The following SLC38A10 variants were observed in gnomAD, a reference collection of about 807,000 sequenced individuals.
SLC38A10 encodes Sodium-coupled neutral amino acid transporter 10.
Under a neutral mutation model 81.0 loss-of-function variants are expected in SLC38A10, and 53 were observed. That is an observed-to-expected ratio of 0.65 (90% CI 0.53 to 0.82). The LOEUF is 0.82. Among genes scored for constraint, SLC38A10 ranks in the 40% least tolerant of loss-of-function variants. SLC38A10 has a pLI of 0.00. For missense variants in SLC38A10, 1,471 were observed against 1,545.0 expected, an observed-to-expected ratio of 0.95 and a Z score of 0.80; for synonymous variants, 665 against 655.3, an observed-to-expected ratio of 1.01 and a Z score of -0.23.
chr17:81,250,931 T>C (rs2062904224), intron 14 of SLC38A10: 1 of 1,235,144 alleles, frequency 8.1e-7, no homozygotes, highest in Non-Finnish European at 1.0e-6. Flanking sequence ...GGAGCTTTCC[T>C]GGAGGGACAG....
chr17:81,252,461 C>G lies in SLC38A10; in HGVS notation c.1679G>C (p.Arg560Thr), dbSNP rs1378755640. Residue 560 changes from arginine (R) to threonine (T), a missense_variant, in exon 13 of 16, where the codon AGG becomes ACG. Around this residue, in one of 2 missense-constraint regions of SLC38A10, gnomAD observed 720 missense variants for 827.7 expected, o/e 0.87. Coordinates refer to ENST00000374759, the MANE Select transcript of SLC38A10 (RefSeq NM_001037984.3). Reference sequence around the variant, plus strand: ...CTCCAAGGCCTGGGCCTGTCCAGGCCTCTTCCCAACCTCTCCCTGCTCCGG... The same window carrying G: ...CTCCAAGGCCTGGGCCTGTCCAGGCGTCTTCCCAACCTCTCCCTGCTCCGG... ...QEPEQGEVGK[R>T]PGQAQALEEA... 2.5e-6 allele frequency: 4 copies of G among 1,613,330 alleles called. No individual in the cohort carries two copies.
Position 81,286,276 on chromosome 17 carries a change from C to T in SLC38A10, c.218-1381G>A, listed in dbSNP as rs138856262. 1.5e-3 allele frequency among the ~76,000 whole-genome samples: 221 copies of T among 152,332 alleles called. 3 individuals carry two copies. In the East Asian group the frequency reaches 0.034, roughly 23 times the overall value. On this transcript the variant is annotated intron_variant, in intron 2 of 15. Transcript: ENST00000374759. This position sits in a 1 kb window ranked among gnomAD's most constrained non-coding sequence, Gnocchi z 6.0. ...ACAGCATATTCCAAACACGAGCGCA[C>T]CTTGCCCAAGAAGGTTCCGGAATAT...
Position 81,276,149 on chromosome 17 carries a change from C to T in SLC38A10, c.732G>A (p.Val244=). ...LNVVTTFYVM[V]GFFGYVSFTE... ...TGAAGCTGACGTAGCCGAAAAACCC[C>T]ACCTGTTGGAGAATAAGAAATGGCA... is the stretch of plus-strand genomic sequence containing the variant. The change falls in exon 8 of 16, where the codon GTG becomes GTA. Residue 244 remains valine (V), a splice_region_variant and synonymous_variant. Coordinates refer to ENST00000374759, the MANE Select transcript of SLC38A10 (RefSeq NM_001037984.3). This position sits in a 1 kb window ranked among gnomAD's most constrained non-coding sequence, Gnocchi z 4.7. 2 of 1,609,312 alleles carry T rather than the reference C, an allele frequency of 1.2e-6. No homozygotes were observed. Among genetic ancestry groups the T allele is most frequent in the African/African-American group, 1.3e-5 (1 of 74,922 alleles).
chr17:81,249,437 G>GAA (rs1327948021), intron 14 of SLC38A10, among the ~76,000 whole-genome samples: 1 of 150,370 alleles, frequency 6.7e-6, no homozygotes. Context: ...GAAGGAGGGA[G>GAA]GGAGAAGGAG....
chr17:81,286,740 G>A lies in SLC38A10; in HGVS notation c.218-1845C>T, dbSNP rs1320694928. Among the ~76,000 whole-genome samples, 2 of 152,180 alleles carry A rather than the reference G, an allele frequency of 1.3e-5. No homozygotes were observed. The highest frequency in any genetic ancestry group is 2.9e-5 in the Non-Finnish European group (2 of 68,030). On this transcript the variant is annotated intron_variant, in intron 2 of 15. Transcript: ENST00000374759. This position sits in a 1 kb window ranked among gnomAD's most constrained non-coding sequence, Gnocchi z 6.0. Reference sequence around the variant, plus strand: ...CAGGTGCAGTCAGATCTCCCCCAGAGCCAGCACAGGAGCCACAGAAGCCTG... The same window carrying A: ...CAGGTGCAGTCAGATCTCCCCCAGAACCAGCACAGGAGCCACAGAAGCCTG...
rs775688679 is a variant in SLC38A10, at chr17:81,246,870, G to A, written c.2242+15C>T. 9 of 1,571,396 alleles carry A rather than the reference G, an allele frequency of 5.7e-6. No individual in the cohort carries two copies. The highest frequency in any genetic ancestry group is 3.4e-5 in the Admixed American group (2 of 58,482). On this transcript the variant is annotated intron_variant, in intron 15 of 15. Coordinates refer to ENST00000374759, the MANE Select transcript of SLC38A10 (RefSeq NM_001037984.3). ...TGCCTGGCCCCACCCCACTCCATCCGCCAGCCCGGCCTACCCTGCCTGGGT... is the reference window on the plus strand; with the variant it reads ...TGCCTGGCCCCACCCCACTCCATCCACCAGCCCGGCCTACCCTGCCTGGGT...
chr17:81,245,338 C>G lies in SLC38A10; in HGVS notation c.*218G>C, dbSNP rs1313001601. On this transcript the variant is annotated 3_prime_UTR_variant, in exon 16 of 16. Coordinates refer to ENST00000374759, the MANE Select transcript of SLC38A10 (RefSeq NM_001037984.3). ...TCAGAGTCTAGAGGTCAGAGGACCT[C>G]AGACTAAGAGCTGCAACAGAACGAC... 1.7e-5 allele frequency: 10 copies of G among 587,324 alleles called. No homozygotes were observed. The highest frequency in any genetic ancestry group is 2.8e-5 in the Non-Finnish European group (10 of 352,430). 36.4% of individuals were successfully genotyped at this position (587,324 alleles called of 1,614,324 possible).
intron 10 of SLC38A10, among the ~76,000 whole-genome samples, chr17:81,269,251 C>T (rs1013730195): frequency 4.6e-5 from 7 of 152,150 alleles, no homozygotes; most frequent in Non-Finnish European, 7.4e-5. Context: ...TAGTGGCTCA[C>T]GTCTATAATC....
In SLC38A10 at chr17:81,270,912, A is replaced by G. The variant is rs1236488451; in HGVS notation, c.1131+6T>C. ...TCGTCCAGGCCACCCCACGAGCAGC[A>G]CGCACCTGGGAGGAAAGTGCGTTCT... On this transcript the variant is annotated splice_donor_region_variant and intron_variant, in intron 10 of 15. Coordinates refer to ENST00000374759, the MANE Select transcript of SLC38A10 (RefSeq NM_001037984.3). The surrounding 1 kb of genome is among the most constrained non-coding windows in gnomAD (Gnocchi z 4.0). 2 of 1,613,068 alleles carry G rather than the reference A, an allele frequency of 1.2e-6. No individual in the cohort carries two copies. The highest frequency in any genetic ancestry group is 2.2e-5 in the East Asian group (1 of 44,874).
At chr17:81,285,899 C>T (rs1389180351) in intron 2 of SLC38A10, among the ~76,000 whole-genome samples, 4 of 152,218 alleles carry the variant, frequency 2.6e-5, no homozygotes, top group African/African-American at 9.6e-5. Context: ...CGTTGCCAAA[C>T]GCCAGAGCCC....
intron 10 of SLC38A10, among the ~76,000 whole-genome samples, chr17:81,260,947 G>A (rs1215880702): frequency 1.3e-5 from 2 of 152,238 alleles, no homozygotes; most frequent in Admixed American, 6.5e-5. Flanking sequence ...TGCAGCAGAC[G>A]CAGGCCCGTG....
intron 14 of SLC38A10, chr17:81,250,183 A>C (rs963594052): frequency 3.3e-6 from 4 of 1,215,574 alleles, no homozygotes; most frequent in African/African-American, 3.1e-5. Context: ...CAAAAGAATC[A>C]AACAGGTTCA....
chr17:81,286,025 G>A lies in SLC38A10; in HGVS notation c.218-1130C>T, dbSNP rs1205903899. ...TTCATCCCACAACACGGAAACCCGAGCCAGGCCCCAGAAGCTGACCTGAGG... is the reference window on the plus strand; with the variant it reads ...TTCATCCCACAACACGGAAACCCGAACCAGGCCCCAGAAGCTGACCTGAGG... On this transcript the variant is annotated intron_variant, in intron 2 of 15. Transcript: ENST00000374759. The surrounding 1 kb of genome is among the most constrained non-coding windows in gnomAD (Gnocchi z 6.0). Among the ~76,000 whole-genome samples the A allele has an allele frequency of 6.6e-6, 1 of 151,932 alleles. No homozygotes were observed. Among genetic ancestry groups the A allele is most frequent in the Non-Finnish European group, 1.5e-5 (1 of 67,984 alleles).
At position 81,290,229 on chromosome 17, in the gene SLC38A10, G is replaced by A. The variant is rs376931437; in HGVS notation, c.100-421C>T. On this transcript the variant is annotated intron_variant, in intron 1 of 15. Transcript: ENST00000374759. ...CTCATAAGTTAAATAGACACTTACTGTGTGACCTGGGGATTAACTGCACCC... is the reference window on the plus strand; with the variant it reads ...CTCATAAGTTAAATAGACACTTACTATGTGACCTGGGGATTAACTGCACCC... Among the ~76,000 whole-genome samples the A allele has an allele frequency of 4.3e-4, 66 of 152,322 alleles. No homozygotes were observed. In the East Asian group the frequency reaches 5.2e-3, roughly 12 times the overall value.
At position 81,245,641 on chromosome 17, in the gene SLC38A10, T is replaced by G. The variant is rs771075212; in HGVS notation, c.3275A>C (p.Gln1092Pro). The G allele has an allele frequency of 4.3e-6, 7 of 1,612,280 alleles. No homozygotes were observed. The highest frequency in any genetic ancestry group is 3.3e-5 in the Admixed American group (2 of 59,968). Residue 1092 changes from glutamine (Q) to proline (P), a missense_variant, in exon 16 of 16, where the codon CAG becomes CCG. This residue lies in a region of SLC38A10 where 751 missense variants were observed against 717.4 expected (regional missense o/e 1.05). Transcript: ENST00000374759. ...AGCTCCCCCCGCAGCCTGGCGGAGC[T>G]GGGCATCCAGGGCGCCACGGAGGTC... ...VNDLRGALDA[Q>P]LRQAAGGALQ...
intron 6 of SLC38A10, 39 bp downstream of exon 6, chr17:81,280,570 G>A (rs746262768): frequency 5.5e-5 from 89 of 1,606,548 alleles, no homozygotes; most frequent in Non-Finnish European, 7.1e-5. Context: ...CGCCCTCCCC[G>A]TCACAGAACT....
At chr17:81,249,196 A>AGGAGGG (rs756160762) in intron 14 of SLC38A10, among the ~76,000 whole-genome samples, 1 of 75,026 alleles carries the variant, frequency 1.3e-5, no homozygotes, top group Non-Finnish European at 2.7e-5. Context: ...GACAGAAGGG[A>AGGAGGG]GGAGGGGGAG....
Position 81,252,600 on chromosome 17 carries a change from G to C in SLC38A10, c.1540C>G (p.Arg514Gly). 6.2e-7 allele frequency: 1 copy of C among 1,613,226 alleles called. No individual in the cohort carries two copies. Among genetic ancestry groups the C allele is most frequent in the Non-Finnish European group, 8.5e-7 (1 of 1,180,030 alleles). Residue 514 changes from arginine (R) to glycine (G), a missense_variant, in exon 13 of 16, where the codon CGA (arginine) becomes GGA (glycine). Arg to Gly is a moderately radical substitution (Grantham distance 125). Around this residue, in one of 2 missense-constraint regions of SLC38A10, gnomAD observed 720 missense variants for 827.7 expected, o/e 0.87. Coordinates refer to ENST00000374759, the MANE Select transcript of SLC38A10 (RefSeq NM_001037984.3). ...DKVVVDEGQD[R>G]EVPEENKPPS... ...GGTTTGTTCTCTTCTGGCACCTCTC[G>C]GTCTTGGCCTTCATCTACCACCACC...
chr17:81,283,524 G>T lies in SLC38A10; in HGVS notation c.264-22C>A, dbSNP rs757962156. On this transcript the variant is annotated intron_variant, in intron 3 of 15. Transcript: ENST00000374759. The surrounding 1 kb of genome is among the most constrained non-coding windows in gnomAD (Gnocchi z 4.7). Reference sequence around the variant, plus strand: ...CATGCTGCACAGGGACGGGGGGTACGGGAAATGCCATCAGGGCAAGCTGGC... The same window carrying T: ...CATGCTGCACAGGGACGGGGGGTACTGGAAATGCCATCAGGGCAAGCTGGC... 1 of 1,592,716 alleles carries T rather than the reference G, an allele frequency of 6.3e-7. No individual in the cohort carries two copies.
Sources: allele counts gnomAD v4.1 joint callset (sites outside exome capture counted in the v4.1 genomes callset), GRCh38; gene constraint gnomAD v4.1.1; regional missense constraint gnomAD v4.1.1; non-coding constraint Gnocchi (gnomAD v3.1); transcripts MANE v1.5; gene names NCBI Gene and HGNC (gene_info 2026-07-23, HGNC 2026-07-21).